The following DIAPH3 variants were observed in gnomAD, a reference collection of about 807,000 sequenced individuals.
DIAPH3 encodes the protein diaphanous related formin 3, also known as protein diaphanous homolog 3.
Under a neutral mutation model 144.3 loss-of-function variants are expected in DIAPH3, and 117 were observed. The ratio of observed to expected loss-of-function variants is 0.81; its 90% CI spans 0.70 to 0.95. The LOEUF is 0.95. Ranked by LOEUF, DIAPH3 falls within the 40% of genes least tolerant of loss-of-function variation. The pLI is 0.00. For synonymous variants in DIAPH3, 519 were observed against 488.9 expected (o/e 1.06, Z -0.81); for missense variants, 1,421 against 1,412.7 (o/e 1.01, Z -0.09).
chr13:59,989,370 A>C (rs1029566835), intron 12 of DIAPH3, among the ~76,000 whole-genome samples: 13 of 151,212 alleles, frequency 8.6e-5, no homozygotes, highest in Admixed American at 2.0e-4. Context: ...ATTTTAAGAA[A>C]TATTTTTAAG....
intron 1 of DIAPH3, among the ~76,000 whole-genome samples, chr13:60,163,240 C>T (rs1201381338): frequency 2.6e-5 from 4 of 152,098 alleles, no homozygotes; most frequent in African/African-American, 9.7e-5. Context: ...GAAAAAAAAC[C>T]TGTCACCTAA....
intron 11 of DIAPH3, 102 bp downstream of exon 11, chr13:59,991,966 A>T (rs935597978): frequency 1.1e-6 from 1 of 922,408 alleles, no homozygotes. Context: ...GTTTGATTTC[A>T]TGTTGTTTAT....
At chr13:59,963,364 T>A (rs2049870369) in intron 17 of DIAPH3, among the ~76,000 whole-genome samples, 1 of 152,190 alleles carries the variant, frequency 6.6e-6, no homozygotes, top group Non-Finnish European at 1.5e-5. Flanking sequence ...GTTATTTTTA[T>A]ACAGATTTTT....
chr13:60,011,922 A>T (rs1424282249), intron 7 of DIAPH3, among the ~76,000 whole-genome samples: 3 of 152,214 alleles, frequency 2.0e-5, no homozygotes, highest in Non-Finnish European at 4.4e-5. Flanking sequence ...TGTATCTATG[A>T]AAGATAACTG....
intron 14 of DIAPH3, among the ~76,000 whole-genome samples, chr13:59,977,677 T>C (rs2050755111): frequency 6.6e-6 from 1 of 151,102 alleles, no homozygotes; most frequent in Non-Finnish European, 1.5e-5. Context: ...GACAAAGAAA[T>C]GAAAAAAGAC....
chr13:60,131,514 G>A (rs1004761978), intron 2 of DIAPH3, among the ~76,000 whole-genome samples: 1 of 150,956 alleles, frequency 6.6e-6, no homozygotes, highest in Admixed American at 6.6e-5. Flanking sequence ...ACACATTATG[G>A]TAAGCGAAAT....
At chr13:59,676,946 T>A (rs2032674767) in intron 27 of DIAPH3, among the ~76,000 whole-genome samples, 1 of 152,284 alleles carries the variant, frequency 6.6e-6, no homozygotes, top group East Asian at 1.9e-4. Flanking sequence ...TATTACTACA[T>A]ATATACTACA....
intron 17 of DIAPH3, among the ~76,000 whole-genome samples, chr13:59,952,888 A>T (rs902659559): frequency 6.6e-5 from 10 of 152,212 alleles, no homozygotes; most frequent in African/African-American, 2.4e-4. Flanking sequence ...TGTGCCAAGC[A>T]TTCTTCTAGG....
intron 25 of DIAPH3, among the ~76,000 whole-genome samples, chr13:59,775,900 A>G (rs1344297378): frequency 6.6e-6 from 1 of 152,222 alleles, no homozygotes; most frequent in African/African-American, 2.4e-5. Flanking sequence ...TGTAATACTT[A>G]TAAGTATTTA....
At chr13:60,163,529 G>A (rs1594814065) in intron 1 of DIAPH3, 58 bp downstream of exon 1, 2 of 1,581,630 alleles carry the variant, frequency 1.3e-6, no homozygotes, top group Admixed American at 1.8e-5. Context: ...CCCACCCTCG[G>A]CAGTCAGCCC....
At chr13:60,003,860 G>T (rs562214504) in intron 9 of DIAPH3, among the ~76,000 whole-genome samples, 1 of 152,174 alleles carries the variant, frequency 6.6e-6, no homozygotes. Context: ...GATTACAGAC[G>T]TGGGCCACCA....
chr13:59,924,652 T>C, intron 18 of DIAPH3, 123 bp downstream of exon 18: 1 of 1,416,102 alleles, frequency 7.1e-7, no homozygotes, highest in East Asian at 2.7e-5. Flanking sequence ...TATCTGTGAA[T>C]TTATCATGCA....
chr13:59,955,433 T>A (rs943580910), intron 17 of DIAPH3, among the ~76,000 whole-genome samples: 1 of 152,180 alleles, frequency 6.6e-6, no homozygotes, highest in Non-Finnish European at 1.5e-5. Flanking sequence ...TTCACATTCC[T>A]ACATGATTGT....
chr13:59,775,728 A>C (rs1031199879), intron 25 of DIAPH3, among the ~76,000 whole-genome samples: 1 of 83,850 alleles, frequency 1.2e-5, no homozygotes, highest in African/African-American at 3.6e-5. Flanking sequence ...AATTTTACAG[A>C]ACGTATAGTT....
At chr13:60,077,963 T>C (rs895396298) in intron 4 of DIAPH3, among the ~76,000 whole-genome samples, 4 of 152,126 alleles carry the variant, frequency 2.6e-5, no homozygotes, top group African/African-American at 9.7e-5. Context: ...ATATTTCTGA[T>C]TGTAAATTAC....
At chr13:60,162,051 A>C (rs937999720) in intron 1 of DIAPH3, among the ~76,000 whole-genome samples, 3 of 152,182 alleles carry the variant, frequency 2.0e-5, no homozygotes, top group Admixed American at 6.5e-5. Context: ...ACTCCCACCC[A>C]AAAACACAGT....
At chr13:59,688,348 T>C (rs1213806539) in intron 27 of DIAPH3, among the ~76,000 whole-genome samples, 1 of 152,062 alleles carries the variant, frequency 6.6e-6, no homozygotes, top group African/African-American at 2.4e-5. Context: ...AGATATGACC[T>C]ATTGATGGTA....
Position 59,980,807 on chromosome 13 carries a change from T to A in DIAPH3, c.1533A>T (p.Glu511Asp). 2 of 1,609,466 alleles carry A rather than the reference T, an allele frequency of 1.2e-6. No individual in the cohort carries two copies. The highest frequency in any genetic ancestry group is 8.5e-7 in the Non-Finnish European group (1 of 1,177,034). Residue 511 changes from glutamate (E) to aspartate (D), a missense_variant, in exon 14 of 28, where the codon GAA becomes GAT. By Grantham distance (45) the Glu-to-Asp change is conservative (BLOSUM62 2). Transcript: ENST00000400324. The part of the protein sequence containing the change: ...KLEEFEEKAS[E>D]LYKKFEKEFT... Reference sequence around the variant, plus strand: ...GAAAACTACTTACTTTCTTGTAAAGTTCTGATGCTTTCTCTTCAAACTCTT... The same window carrying A: ...GAAAACTACTTACTTTCTTGTAAAGATCTGATGCTTTCTCTTCAAACTCTT...
At chr13:60,052,234 A>G (rs536472943) in intron 4 of DIAPH3, among the ~76,000 whole-genome samples, 8 of 152,282 alleles carry the variant, frequency 5.3e-5, no homozygotes, top group African/African-American at 1.9e-4. Flanking sequence ...ATGGGTCAGA[A>G]TTGCCAATGG....
Sources: allele counts gnomAD v4.1 joint callset (sites outside exome capture counted in the v4.1 genomes callset), GRCh38; gene constraint gnomAD v4.1.1; transcripts MANE v1.5; gene names NCBI Gene and HGNC (gene_info 2026-07-23, HGNC 2026-07-21).